Variants in LY75 observed in about 807,000 individuals in gnomAD.
LY75 encodes the protein C-type lectin domain family 13 member B.
A neutral mutation model predicts 231.7 loss-of-function variants in LY75; 185 were observed. The observed-to-expected ratio is 0.80, with a 90% CI of 0.71 to 0.90. LY75 has a LOEUF of 0.90. Ranked by LOEUF, LY75 falls within the 40% of genes least tolerant of loss-of-function variation. LY75 has a pLI of 0.00. For synonymous variants in LY75, 668 were observed against 689.0 expected (o/e 0.97, Z 0.48); for missense variants, 1,947 against 2,050.2 (o/e 0.95, Z 0.97).
At chr2:159,856,275 A>G (rs1684548020) in intron 16 of LY75, among the ~76,000 whole-genome samples, 1 of 152,218 alleles carries the variant, frequency 6.6e-6, no homozygotes. Flanking sequence ...CTTATTTTTG[A>G]CACAGTTTTC....
chr2:159,874,598 A>AAG lies in LY75; in HGVS notation c.1974+845_1974+846insCT, dbSNP rs1315817588. Among the ~76,000 whole-genome samples the AAG allele has an allele frequency of 2.1e-4, 22 of 107,298 alleles. 2 individuals carry two copies. Among genetic ancestry groups the AAG allele is most frequent in the African/African-American group, 6.7e-4 (21 of 31,114 alleles). 70.4% of individuals were successfully genotyped at this position (107,298 alleles called of 152,430 possible). A position where few individuals can be genotyped will look rare whatever the true frequency, so the allele number is the denominator to read the frequency against. On this transcript the variant is annotated intron_variant, in intron 12 of 34. Coordinates refer to ENST00000263636, the MANE Select transcript of LY75 (RefSeq NM_002349.4). Reference sequence around the variant, plus strand: ...TGTACATATTTTGTAAATATATATAAATATATATATTTTGTAAATATATAT... The same window carrying AAG: ...TGTACATATTTTGTAAATATATATAAAGATATATATATTTTGTAAATATATAT...
At chr2:159,847,306 G>A (rs543135890) in intron 23 of LY75, among the ~76,000 whole-genome samples, 8 of 152,162 alleles carry the variant, frequency 5.3e-5, no homozygotes, top group East Asian at 1.9e-4. Flanking sequence ...GAGCCACCAC[G>A]CCCAGCCTTT....
At position 159,896,803 on chromosome 2, in the gene LY75, C is replaced by T. The variant is rs73000770; in HGVS notation, c.466+1885G>A. 9.0e-3 allele frequency among the ~76,000 whole-genome samples: 1,370 copies of T among 152,238 alleles called. 20 individuals are homozygous for T. The highest frequency in any genetic ancestry group is 0.031 in the African/African-American group (1,281 of 41,532). On this transcript the variant is annotated intron_variant, in intron 2 of 34. Transcript: ENST00000263636. Reference sequence around the variant, plus strand: ...CTGACATGTAGAACTTAGATGGTACCAGTCACCCAGACAGAAACAGAGAAG... The same window carrying T: ...CTGACATGTAGAACTTAGATGGTACTAGTCACCCAGACAGAAACAGAGAAG...
intron 24 of LY75, among the ~76,000 whole-genome samples, chr2:159,841,799 TC>T (rs1355409233): frequency 6.6e-5 from 10 of 151,962 alleles, no homozygotes; most frequent in African/African-American, 2.4e-4. Flanking sequence ...AAATGTAAAA[TC>T]TGAAAAATGC....
chr2:159,835,451 A>T (rs1461263088), intron 26 of LY75, 29 bp downstream of exon 26: 7 of 1,562,244 alleles, frequency 4.5e-6, no homozygotes, highest in Middle Eastern at 1.7e-4. Context: ...TTAATAATTT[A>T]AGAATTAAAA....
In LY75 at chr2:159,806,988, A is replaced by C; in HGVS notation, c.4975T>G (p.Cys1659Gly). Residue 1659 changes from cysteine to glycine, a missense_variant, in exon 34 of 35, where the codon TGC becomes GGC. Coordinates refer to ENST00000263636, the MANE Select transcript of LY75 (RefSeq NM_002349.4). ...ECEHGFGRVV[C>G]KVPLGPDYTA... ...CCATACTTACCCAGAGGCACTTTGC[A>C]GACAACTCTTCCAAAACCATGTTCA... 4 of 1,613,418 alleles carry C rather than the reference A, an allele frequency of 2.5e-6. No homozygotes were observed. The highest frequency in any genetic ancestry group is 3.4e-6 in the Non-Finnish European group (4 of 1,179,596).
At chr2:159,894,393 C>T (rs1418856748) in intron 2 of LY75, among the ~76,000 whole-genome samples, 2 of 152,194 alleles carry the variant, frequency 1.3e-5, no homozygotes, top group Non-Finnish European at 2.9e-5. Context: ...GCTGAAAGAG[C>T]CTGGCTTGAT....
intron 28 of LY75, among the ~76,000 whole-genome samples, chr2:159,826,487 C>G (rs1364926042): frequency 7.8e-6 from 1 of 128,828 alleles, no homozygotes; most frequent in Non-Finnish European, 1.9e-5. Context: ...ACATTCCATG[C>G]TCATGGATAG....
chr2:159,878,838 G>T, intron 9 of LY75, 117 bp from the exon 10 acceptor site: 2 of 1,101,026 alleles, frequency 1.8e-6, no homozygotes, highest in Non-Finnish European at 1.3e-6. Flanking sequence ...TGAGGACATG[G>T]CTATTGAAAT....
Position 159,892,341 on chromosome 2 carries a change from G to T in LY75, c.637+1573C>A, listed in dbSNP as rs189535511. 2.0e-4 allele frequency among the ~76,000 whole-genome samples: 30 copies of T among 152,300 alleles called. No homozygotes were observed. In the East Asian group the frequency reaches 5.4e-3, roughly 27 times the overall value. On this transcript the variant is annotated intron_variant, in intron 3 of 34. Transcript: ENST00000263636. ...GAGTCAGCCTAGTGTAGCTGTTTGG[G>T]ACAAGGACTTCATAGCCAGACTTCC...
intron 3 of LY75, among the ~76,000 whole-genome samples, chr2:159,892,947 A>G (rs1446826639): frequency 6.6e-6 from 1 of 152,180 alleles, no homozygotes; most frequent in Admixed American, 6.5e-5. Context: ...GGCCATAAAC[A>G]TACTTAAGAT....
At position 159,898,722 on chromosome 2, in the gene LY75, G is replaced by A. The variant is rs1685975663; in HGVS notation, c.432C>T (p.Gly144=). ...SNASDVWKKG[G]SEESLCDQPY... ...GCTGGTCACAAAGGCTTTCCTCTGA[G>A]CCTCCTTTCTTCCAGACATCAGATG... The change falls in exon 2 of 35, where the codon GGC becomes GGT. Residue 144 remains glycine, a synonymous_variant. Transcript: ENST00000263636. 2 of 1,614,018 alleles carry A rather than the reference G, an allele frequency of 1.2e-6. No homozygotes were observed. Among genetic ancestry groups the A allele is most frequent in the Non-Finnish European group, 1.7e-6 (2 of 1,179,924 alleles).
intron 8 of LY75, 57 bp downstream of exon 8, chr2:159,881,026 A>C: frequency 1.9e-6 from 3 of 1,568,324 alleles, no homozygotes; most frequent in Non-Finnish European, 2.6e-6. Flanking sequence ...AAGAAGTCTT[A>C]ATATTATCAT....
intron 1 of LY75, among the ~76,000 whole-genome samples, chr2:159,901,996 G>C (rs1686097392): frequency 2.0e-5 from 3 of 152,220 alleles, no homozygotes; most frequent in Admixed American, 2.0e-4. Flanking sequence ...GTAGGTTGAA[G>C]AGCTGGAAGG....
chr2:159,840,515 T>A (rs945600704), intron 25 of LY75, among the ~76,000 whole-genome samples: 4 of 152,082 alleles, frequency 2.6e-5, no homozygotes, highest in Admixed American at 2.6e-4. Context: ...AAGGCTGCAG[T>A]GAAGTGTGAT....
chr2:159,868,434 G>A (rs577563103), intron 13 of LY75, among the ~76,000 whole-genome samples: 1 of 152,158 alleles, frequency 6.6e-6, no homozygotes, highest in East Asian at 1.9e-4. Flanking sequence ...TTACACTAAG[G>A]GTTTACTATG....
chr2:159,843,127 T>C (rs1026660969), intron 23 of LY75, among the ~76,000 whole-genome samples: 1 of 151,844 alleles, frequency 6.6e-6, no homozygotes, highest in Middle Eastern at 3.4e-3. Flanking sequence ...TGAACTGAAT[T>C]CAATATAGGA....
At chr2:159,854,586 G>C (rs763202778) in intron 17 of LY75, 51 bp from the exon 18 acceptor site, 68 of 1,572,158 alleles carry the variant, frequency 4.3e-5, no homozygotes, top group Non-Finnish European at 3.7e-5. Flanking sequence ...AAAGCAAACT[G>C]TGTCCTCTAA....
chr2:159,879,813 C>T (rs1685381373), intron 8 of LY75, among the ~76,000 whole-genome samples: 1 of 152,168 alleles, frequency 6.6e-6, no homozygotes, highest in African/African-American at 2.4e-5. Flanking sequence ...TCCATGAATT[C>T]TAGGTCAAAA....
Sources: allele counts gnomAD v4.1 joint callset (sites outside exome capture counted in the v4.1 genomes callset), GRCh38; gene constraint gnomAD v4.1.1; transcripts MANE v1.5; gene names NCBI Gene and HGNC (gene_info 2026-07-23, HGNC 2026-07-21).